The following BPIFA2 variants were observed in gnomAD, a reference collection of about 807,000 sequenced individuals.
BPIFA2 encodes the protein BPI fold containing family A member 2.
BPIFA2 carries 20 observed loss-of-function variants against 25.7 expected under a neutral mutation model. The observed-to-expected ratio is 0.78, with a 90% CI of 0.55 to 1.13. The LOEUF is 1.13. Ranked by LOEUF, BPIFA2 falls within the 50% of genes most tolerant of loss-of-function variation. The pLI is 0.00. For missense variants in BPIFA2, 300 were observed against 298.1 expected, an observed-to-expected ratio of 1.01 and a Z score of -0.05; for synonymous variants, 126 against 124.3, an observed-to-expected ratio of 1.01 and a Z score of -0.09.
intron 1 of BPIFA2, 90 bp downstream of exon 1, chr20:33,168,299 T>C (rs1983786234): frequency 6.6e-6 from 1 of 152,312 alleles, no homozygotes; most frequent in East Asian, 1.9e-4. Flanking sequence ...ATTGCTTGGG[T>C]TAGCTAATAT....
In BPIFA2 at chr20:33,170,095, C is replaced by T. The variant is rs553635802; in HGVS notation, c.157+793C>T. ...AACTTTCAAAGATGCAGAAAGGACT[C>T]ACACTCTAATTTCACAGCTGAGAAA... On this transcript the variant is annotated intron_variant, in intron 2 of 8. Transcript: ENST00000354932. Among the ~76,000 whole-genome samples, 24 of 152,310 alleles carry T rather than the reference C, an allele frequency of 1.6e-4. 1 individual carries two copies. In the East Asian group the frequency reaches 4.4e-3, roughly 28 times the overall value.
chr20:33,178,041 G>C, intron 5 of BPIFA2, 106 bp from the exon 6 acceptor site: 1 of 716,392 alleles, frequency 1.4e-6, no homozygotes, highest in South Asian at 1.9e-5. Flanking sequence ...ATGTCCCTGG[G>C]GTTTATCTGA....
intron 1 of BPIFA2, among the ~76,000 whole-genome samples, chr20:33,162,554 C>T (rs1416163256): frequency 1.3e-5 from 2 of 152,184 alleles, no homozygotes; most frequent in Admixed American, 1.3e-4. Flanking sequence ...CTTTACTGAG[C>T]ACTTATGATG....
At chr20:33,167,626 C>T (rs187528170), upstream of BPIFA2, among the ~76,000 whole-genome samples, 3 of 152,322 alleles carry the variant, frequency 2.0e-5, no homozygotes, top group African/African-American at 7.2e-5. Context: ...AGTGTCAGCA[C>T]AAGCAGCTGC....
intron 2 of BPIFA2, among the ~76,000 whole-genome samples, chr20:33,170,415 C>T (rs181316723): frequency 2.0e-4 from 30 of 152,168 alleles, no homozygotes; most frequent in Admixed American, 1.3e-3. Context: ...TCTATCATGA[C>T]ATTTATTATT....
At position 33,180,443 on chromosome 20, in the gene BPIFA2, C is replaced by T. The variant is rs886700310; in HGVS notation, c.710-77C>T. The T allele has an allele frequency of 2.5e-5, 37 of 1,485,338 alleles. No homozygotes were observed. The African/African-American group carries it at 2.5e-4, about 10-fold the overall frequency. The allele number at this position is 1,485,338 out of a possible 1,614,324, so 92.0% of individuals were successfully genotyped here. On this transcript the variant is annotated intron_variant, in intron 7 of 8. Coordinates refer to ENST00000354932, the MANE Select transcript of BPIFA2 (RefSeq NM_080574.4). Reference sequence around the variant, plus strand: ...AACTGTCAGGTTACCGGCTGGAGAGCGGCATCTTTTGGAGTCTGGTCTCTA... The same window carrying T: ...AACTGTCAGGTTACCGGCTGGAGAGTGGCATCTTTTGGAGTCTGGTCTCTA...
rs1984243008 is a variant in BPIFA2, at chr20:33,180,559, G to A, written c.749G>A (p.Ter250=). The A allele has an allele frequency of 1.9e-6, 3 of 1,612,740 alleles. No homozygotes were observed. Among genetic ancestry groups the A allele is most frequent in the Non-Finnish European group, 2.5e-6 (3 of 1,178,724 alleles). Residue 250 remains the stop codon, a stop_retained_variant, in exon 8 of 9, where the codon TGA becomes TAA. Transcript: ENST00000354932. ...QHKTQLQTLI[*] ...AAAACCCAGCTGCAAACCCTCATCT[G>A]AAGAGGACGAATGAGGAGGACCACT...
Position 33,178,062 on chromosome 20 carries a change from T to C in BPIFA2, c.564-85T>C, listed in dbSNP as rs577910391. On this transcript the variant is annotated intron_variant, in intron 5 of 8. Coordinates refer to ENST00000354932, the MANE Select transcript of BPIFA2 (RefSeq NM_080574.4). ...CTGGGGTTTATCTGACTCCACAGTA[T>C]TTCCCGCACCGCCCCCAACTTTTTG... is the stretch of plus-strand genomic sequence containing the variant. The C allele has an allele frequency of 2.1e-4, 199 of 953,244 alleles. No individual in the cohort carries two copies. The South Asian group carries it at 3.0e-3, about 14-fold the overall frequency. The allele number at this position is 953,244 out of a possible 1,614,324, so 59.0% of individuals were successfully genotyped here. A position where few individuals can be genotyped will look rare whatever the true frequency, so the allele number is the denominator to read the frequency against.
chr20:33,176,029 C>A (rs1166936000), intron 5 of BPIFA2, among the ~76,000 whole-genome samples: 1 of 151,906 alleles, frequency 6.6e-6, no homozygotes, highest in Non-Finnish European at 1.5e-5. Context: ...GGAGAATTGT[C>A]CACTTTATTG....
upstream of BPIFA2, among the ~76,000 whole-genome samples, chr20:33,163,221 A>G (rs1358964362): frequency 6.6e-6 from 1 of 152,204 alleles, no homozygotes; most frequent in East Asian, 1.9e-4. Context: ...GGTCTCATCT[A>G]CATTCATCTA....
chr20:33,171,108 C>A (rs1983882972), intron 2 of BPIFA2, among the ~76,000 whole-genome samples: 2 of 152,114 alleles, frequency 1.3e-5, no homozygotes, highest in African/African-American at 4.8e-5. Flanking sequence ...GTTTTGGTAC[C>A]AGTACCATGC....
chr20:33,180,183 A>T (rs1984226867), intron 7 of BPIFA2, among the ~76,000 whole-genome samples: 1 of 151,856 alleles, frequency 6.6e-6, no homozygotes, highest in Non-Finnish European at 1.5e-5. Flanking sequence ...ATGCCACTGC[A>T]CTCCGGCCTG....
At position 33,174,012 on chromosome 20, in the gene BPIFA2, C is replaced by A. The variant is rs1271390191; in HGVS notation, c.303-67C>A. The A allele has an allele frequency of 7.5e-6, 10 of 1,338,676 alleles. No homozygotes were observed. In the East Asian group the frequency reaches 2.3e-4, roughly 31 times the overall value. The allele number at this position is 1,338,676 out of a possible 1,614,324, so 82.9% of individuals were successfully genotyped here. On this transcript the variant is annotated intron_variant, in intron 3 of 8. Coordinates refer to ENST00000354932, the MANE Select transcript of BPIFA2 (RefSeq NM_080574.4). ...ACCCAAACGCTCAGCTCGAGGCTGG[C>A]CCAGGGAAGTGGTTGGCAAGTGGCT...
intron 5 of BPIFA2, among the ~76,000 whole-genome samples, chr20:33,177,212 G>A (rs557147741): frequency 1.3e-5 from 2 of 152,156 alleles, no homozygotes; most frequent in East Asian, 1.9e-4. Flanking sequence ...AAAATTAGCC[G>A]GGGGTGGTGG....
At chr20:33,176,857 CT>C (rs1420144172) in intron 5 of BPIFA2, among the ~76,000 whole-genome samples, 2 of 152,154 alleles carry the variant, frequency 1.3e-5, no homozygotes, top group Non-Finnish European at 2.9e-5. Context: ...TCTTTCCCAG[CT>C]TAAGACCTTT....
At chr20:33,174,236 C>A in intron 4 of BPIFA2, 50 bp downstream of exon 4, 1 of 1,539,600 alleles carries the variant, frequency 6.5e-7, no homozygotes, top group Non-Finnish European at 9.0e-7. Context: ...GCAACCTGGC[C>A]GATGGATGCC....
chr20:33,167,778 C>G (rs1274112753), upstream of BPIFA2, among the ~76,000 whole-genome samples: 1 of 152,212 alleles, frequency 6.6e-6, no homozygotes, highest in Non-Finnish European at 1.5e-5. Context: ...CTTCCCCTCT[C>G]TGAGCCTCAG....
intron 7 of BPIFA2, among the ~76,000 whole-genome samples, chr20:33,179,900 C>T (rs894397358): frequency 1.3e-5 from 2 of 152,144 alleles, no homozygotes; most frequent in Non-Finnish European, 2.9e-5. Flanking sequence ...TGTCAAGACC[C>T]TGGAGGTGAC....
upstream of BPIFA2, among the ~76,000 whole-genome samples, chr20:33,166,928 G>A (rs890176891): frequency 6.6e-6 from 1 of 152,228 alleles, no homozygotes; most frequent in East Asian, 1.9e-4. Context: ...GAAGAGCGGG[G>A]CTCAGACGTT....
Sources: gnomAD v4.1 joint callset for allele counts (sites outside exome capture counted in the v4.1 genomes callset) on GRCh38, gnomAD v4.1.1 for gene constraint, MANE v1.5 for transcripts, NCBI Gene and HGNC (gene_info 2026-07-23, HGNC 2026-07-21) for gene names.